Variants in BMAL1 observed in about 807,000 individuals in gnomAD.
The protein encoded by BMAL1 is basic helix-loop-helix ARNT like 1.
the BMAL1 span, among the ~76,000 whole-genome samples, chr11:13,367,706 G>GA: frequency 0.45 from 39,049 of 86,098 alleles, 7,691 homozygotes; most frequent in Admixed American, 0.55. Context: ...CTCTGTCTCA[G>GA]AAAAAAAAAA....
the BMAL1 span, among the ~76,000 whole-genome samples, chr11:13,382,291 C>CAAA: frequency 4.8e-4 from 40 of 83,230 alleles, no homozygotes; most frequent in South Asian, 1.0e-3. Context: ...GGTAAGACTA[C>CAAA]AAAGTAAGAC....
chr11:13,365,942 C>T, the BMAL1 span, among the ~76,000 whole-genome samples: 1 of 152,164 alleles, frequency 6.6e-6, no homozygotes, highest in Non-Finnish European at 1.5e-5. Context: ...ACTTGGAAAT[C>T]CACTCCATAC....
the BMAL1 span, among the ~76,000 whole-genome samples, chr11:13,318,268 T>G: frequency 6.6e-6 from 1 of 152,256 alleles, no homozygotes; most frequent in Non-Finnish European, 1.5e-5. Context: ...AAGGATATTT[T>G]ACTTGCTAAG....
the BMAL1 span, among the ~76,000 whole-genome samples, chr11:13,327,652 A>T: frequency 6.6e-6 from 1 of 151,960 alleles, no homozygotes; most frequent in Non-Finnish European, 1.5e-5. Flanking sequence ...AGCTTGGACA[A>T]TTTTTTCTGA....
At chr11:13,284,680 G>A in the BMAL1 span, among the ~76,000 whole-genome samples, 1 of 151,986 alleles carries the variant, frequency 6.6e-6, no homozygotes, top group East Asian at 1.9e-4. Flanking sequence ...TCACACCTAA[G>A]CAGAGGGAAG....
chr11:13,335,534 A>G, the BMAL1 span, among the ~76,000 whole-genome samples: 2 of 152,330 alleles, frequency 1.3e-5, no homozygotes, highest in South Asian at 2.1e-4. Context: ...GGTGCTAGAT[A>G]TAATGCTTGG....
chr11:13,311,009 G>A, the BMAL1 span, among the ~76,000 whole-genome samples: 1 of 152,196 alleles, frequency 6.6e-6, no homozygotes, highest in African/African-American at 2.4e-5. Context: ...AACCAATAGC[G>A]TTTTCAGTCT....
the BMAL1 span, among the ~76,000 whole-genome samples, chr11:13,324,913 G>A: frequency 6.6e-6 from 1 of 152,230 alleles, no homozygotes. Context: ...GCCAGCTGGT[G>A]GCAGTGTGGG....
the BMAL1 span, among the ~76,000 whole-genome samples, chr11:13,315,199 T>C: frequency 6.6e-5 from 10 of 152,228 alleles, no homozygotes; most frequent in Admixed American, 1.3e-4. Flanking sequence ...ATGCTTGTGA[T>C]GCTGCCTCCC....
the BMAL1 span, among the ~76,000 whole-genome samples, chr11:13,284,220 ATATATATGTGTGTG>A: frequency 5.7e-5 from 1 of 17,524 alleles, no homozygotes; most frequent in African/African-American, 8.8e-5. Flanking sequence ...GTGTATATAT[ATATATATGTGTGTG>A]TATATATATA....
chr11:13,280,381 C>A, the BMAL1 span, among the ~76,000 whole-genome samples: 2 of 152,170 alleles, frequency 1.3e-5, no homozygotes, highest in African/African-American at 4.8e-5. Context: ...GGAGAAGCAC[C>A]ATAGAAAGAT....
At chr11:13,296,702 T>A in the BMAL1 span, among the ~76,000 whole-genome samples, 1 of 152,348 alleles carries the variant, frequency 6.6e-6, no homozygotes, top group South Asian at 2.1e-4. Flanking sequence ...TTGTTCCAAA[T>A]CTTCTCTGGC....
At chr11:13,330,848 C>T in the BMAL1 span, among the ~76,000 whole-genome samples, 2 of 152,234 alleles carry the variant, frequency 1.3e-5, no homozygotes, top group African/African-American at 4.8e-5. Context: ...TGATATCTCG[C>T]TGAGCCTAAA....
At chr11:13,383,881 TGAGGGAGG>T in the BMAL1 span, among the ~76,000 whole-genome samples, 3 of 151,008 alleles carry the variant, frequency 2.0e-5, no homozygotes, top group Non-Finnish European at 1.5e-5. Context: ...AGGAAGGGAG[TGAGGGAGG>T]GAGGGAAAAT....
chr11:13,375,586 T>C, the BMAL1 span: 4 of 1,534,250 alleles, frequency 2.6e-6, no homozygotes, highest in East Asian at 9.2e-5. Flanking sequence ...AAAACAACAA[T>C]GTCCATGTTT....
chr11:13,280,493 TTCA>T, the BMAL1 span, among the ~76,000 whole-genome samples: 3 of 152,246 alleles, frequency 2.0e-5, no homozygotes, highest in Admixed American at 2.0e-4. Flanking sequence ...TCTTTGTGAT[TTCA>T]TCATCAACTC....
At chr11:13,328,077 C>T in the BMAL1 span, among the ~76,000 whole-genome samples, 2 of 152,196 alleles carry the variant, frequency 1.3e-5, no homozygotes, top group Non-Finnish European at 2.9e-5. Flanking sequence ...TACGTATTCA[C>T]ACATGAGAAC....
the BMAL1 span, among the ~76,000 whole-genome samples, chr11:13,309,291 G>T: frequency 6.6e-6 from 1 of 152,028 alleles, no homozygotes; most frequent in East Asian, 1.9e-4. Context: ...TGGATGGTAG[G>T]GTCTATCGGG....
chr11:13,350,841 C>T, the BMAL1 span, among the ~76,000 whole-genome samples: 15 of 152,056 alleles, frequency 9.9e-5, no homozygotes, highest in Admixed American at 5.2e-4. Context: ...ATACAAATAT[C>T]GTAAACAAAG....
Sources: allele counts gnomAD v4.1 joint callset (sites outside exome capture counted in the v4.1 genomes callset), GRCh38; gene constraint gnomAD v4.1.1; transcripts MANE v1.5; gene names NCBI Gene and HGNC (gene_info 2026-07-23, HGNC 2026-07-21).